LRSAM1: variants seen among roughly 807,000 people sequenced by gnomAD.
The protein encoded by LRSAM1 is leucine rich repeat and sterile alpha motif containing 1, also known as E3 ubiquitin-protein ligase LRSAM1.
In LRSAM1, 96 loss-of-function variants were observed where a neutral mutation model predicts 118.1. The ratio of observed to expected loss-of-function variants is 0.81; its 90% CI spans 0.69 to 0.96. The LOEUF is 0.96. LRSAM1 is among the 40% of genes least tolerant of loss of function. LRSAM1 has a pLI of 0.00. For synonymous variants in LRSAM1, 322 were observed against 364.2 expected (o/e 0.88, Z 1.32); for missense variants, 804 against 915.5 (o/e 0.88, Z 1.57).
Position 127,497,299 on chromosome 9 carries a change from T to A in LRSAM1, c.1877T>A (p.Val626Asp). The A allele has an allele frequency of 6.2e-7, 1 of 1,612,702 alleles. No homozygotes were observed. The highest frequency in any genetic ancestry group is 1.1e-5 in the South Asian group (1 of 91,064). Residue 626 changes from valine (V) to aspartate (D), a missense_variant, in exon 24 of 26, where the codon GTC becomes GAC. Physicochemically the swap from Val to Asp is radical, Grantham distance 152 (BLOSUM62 -3). Coordinates refer to ENST00000300417, the MANE Select transcript of LRSAM1 (RefSeq NM_001005373.4). The part of the protein sequence containing the change: ...AGLQHEILRR[V>D]QELLDAARIQ... ...CTGCAGCACGAGATCCTCCGGAGAG[T>A]CCAGGAACTGCTGGATGCAGCCAGG...
intron 9 of LRSAM1, among the ~76,000 whole-genome samples, chr9:127,462,576 A>G (rs1207542990): frequency 6.6e-6 from 1 of 152,164 alleles, no homozygotes; most frequent in African/African-American, 2.4e-5. Flanking sequence ...GAGGCAGAAA[A>G]ACATACATTA....
intron 5 of LRSAM1, among the ~76,000 whole-genome samples, chr9:127,456,257 G>A (rs1022762007): frequency 1.3e-5 from 2 of 149,434 alleles, no homozygotes; most frequent in Non-Finnish European, 3.0e-5. Flanking sequence ...TTTGAAGACG[G>A]ACGCTCTGCT....
chr9:127,487,184 A>T, intron 17 of LRSAM1, among the ~76,000 whole-genome samples: 1 of 47,506 alleles, frequency 2.1e-5, no homozygotes. Context: ...ACTCTGTCTC[A>T]AAAAAAAAAA....
intron 19 of LRSAM1, among the ~76,000 whole-genome samples, chr9:127,490,258 CT>C (rs1213000532): frequency 1.3e-5 from 2 of 151,610 alleles, no homozygotes; most frequent in African/African-American, 4.8e-5. Context: ...TTCTTTCTTT[CT>C]TTCTTTCTTT....
At chr9:127,460,242 C>T (rs2132007202) in intron 7 of LRSAM1, among the ~76,000 whole-genome samples, 1 of 152,326 alleles carries the variant, frequency 6.6e-6, no homozygotes, top group South Asian at 2.1e-4. Flanking sequence ...TCATGATCCA[C>T]CCACCTCAGC....
intron 25 of LRSAM1, among the ~76,000 whole-genome samples, chr9:127,502,564 G>C (rs893502571): frequency 6.6e-6 from 1 of 151,866 alleles, no homozygotes; most frequent in African/African-American, 2.4e-5. Context: ...GTGCACGCCT[G>C]TAGTCCCAGC....
chr9:127,477,964 G>T (rs1588118508), intron 11 of LRSAM1, among the ~76,000 whole-genome samples: 1 of 150,286 alleles, frequency 6.7e-6, no homozygotes, highest in Non-Finnish European at 1.5e-5. Context: ...CAGGAGAATT[G>T]CTTGAACCCA....
At chr9:127,479,584 G>A (rs538452546) in intron 13 of LRSAM1, 79 bp downstream of exon 13, 26 of 1,589,636 alleles carry the variant, frequency 1.6e-5, no homozygotes, top group Middle Eastern at 2.2e-4. Flanking sequence ...AAGGTCCCTC[G>A]GATGTGGAAA....
At position 127,495,974 on chromosome 9, in the gene LRSAM1, T is replaced by C. The variant is rs370745787; in HGVS notation, c.1709T>C (p.Met570Thr). 1.2e-6 allele frequency: 2 copies of C among 1,612,780 alleles called. No homozygotes were observed. The highest frequency in any genetic ancestry group is 2.7e-5 in the African/African-American group (2 of 74,950). The change falls in exon 23 of 26, where the codon ATG becomes ACG. Residue 570 changes from methionine to threonine, a missense_variant. Physicochemically the swap from Met to Thr is moderately conservative, Grantham distance 81 (BLOSUM62 -1). Transcript: ENST00000300417. ...PLSLKLQEEGMERQLVALLEE... is the reference protein window; with the variant it reads ...PLSLKLQEEGTERQLVALLEE... ...GTTTCTGTCTTGCAGGAAGAGGGGA[T>C]GGAGCGCCAGCTGGTGGCCCTCCTG...
Position 127,483,028 on chromosome 9 carries a change from T to C in LRSAM1, c.1159+8T>C. 6.2e-7 allele frequency: 1 copy of C among 1,606,472 alleles called. No homozygotes were observed. The highest frequency in any genetic ancestry group is 2.2e-5 in the East Asian group (1 of 44,572). ...GGCGACGTGACGTTGCCTGTGAGTT[T>C]TGGGATGGGGAGCTTGTGAGCACGC... is the stretch of plus-strand genomic sequence containing the variant. On this transcript the variant is annotated splice_region_variant and intron_variant, in intron 16 of 25. Transcript: ENST00000300417.
chr9:127,485,779 C>A lies in LRSAM1; in HGVS notation c.1203C>A (p.Leu401=), dbSNP rs774735924. ...QMLTESCKNR[L]IQMAYESQRQ... ...TGACTGAGAGCTGTAAGAACCGGCT[C>A]ATCCAGATGGCCTACGAATCTCAGA... The change falls in exon 17 of 26, where the codon CTC becomes CTA. Residue 401 remains leucine (L), a synonymous_variant. Transcript: ENST00000300417. 2.5e-6 allele frequency: 4 copies of A among 1,614,034 alleles called. No homozygotes were observed. The East Asian group carries it at 8.9e-5, about 36-fold the overall frequency.
intron 11 of LRSAM1, 129 bp downstream of exon 11, chr9:127,474,060 T>C: frequency 1.4e-5 from 20 of 1,440,662 alleles, no homozygotes; most frequent in Non-Finnish European, 1.9e-5. Flanking sequence ...TCCATAGAAC[T>C]AGAACTGGCC....
At chr9:127,478,728 G>A (rs1835424725) in intron 11 of LRSAM1, among the ~76,000 whole-genome samples, 1 of 152,136 alleles carries the variant, frequency 6.6e-6, no homozygotes. Context: ...GACAGCCCAG[G>A]GGTTCTCATC....
At chr9:127,492,712 C>G (rs975798040) in intron 20 of LRSAM1, 90 bp from the exon 21 acceptor site, 147 of 1,204,486 alleles carry the variant, frequency 1.2e-4, no homozygotes, top group Middle Eastern at 7.3e-4. Flanking sequence ...ACCGAGTGAG[C>G]GGGAGGCCAG....
chr9:127,465,808 G>T lies in LRSAM1; in HGVS notation c.529-1932G>T, dbSNP rs146879038. Among the ~76,000 whole-genome samples the T allele has an allele frequency of 9.7e-4, 148 of 152,330 alleles. 7 individuals are homozygous for T. The South Asian group carries it at 0.015, about 15-fold the overall frequency. ...CCAGCACTCTGGGATGAGAGGGCCT[G>T]TGGGAAGTCAGAGGTTGGCAGCGGG... On this transcript the variant is annotated intron_variant, in intron 9 of 25. Coordinates refer to ENST00000300417, the MANE Select transcript of LRSAM1 (RefSeq NM_001005373.4). This position sits in a 1 kb window ranked among gnomAD's most constrained non-coding sequence, Gnocchi z 4.1.
chr9:127,463,338 G>T (rs1834820322), intron 9 of LRSAM1, among the ~76,000 whole-genome samples: 1 of 152,108 alleles, frequency 6.6e-6, no homozygotes, highest in African/African-American at 2.4e-5. Flanking sequence ...CTGAGCTTGT[G>T]TGATATGGGG....
chr9:127,481,342 G>T (rs545818806), intron 15 of LRSAM1, 115 bp downstream of exon 15: 3 of 1,095,968 alleles, frequency 2.7e-6, no homozygotes, highest in South Asian at 1.3e-5. Flanking sequence ...AACCCCCGCC[G>T]CCCAGGTCCA....
chr9:127,480,464 C>G (rs766238950), intron 14 of LRSAM1, among the ~76,000 whole-genome samples: 13 of 152,102 alleles, frequency 8.5e-5, no homozygotes, highest in Non-Finnish European at 1.6e-4. Flanking sequence ...GTGAGGGGGC[C>G]CATTGCAGGA....
intron 10 of LRSAM1, among the ~76,000 whole-genome samples, chr9:127,472,434 G>A (rs1247635206): frequency 6.6e-6 from 1 of 151,946 alleles, no homozygotes; most frequent in Non-Finnish European, 1.5e-5. Flanking sequence ...CTGAGGTCAG[G>A]AGTTCGAGAC....
Sources: gnomAD v4.1 joint callset for allele counts (sites outside exome capture counted in the v4.1 genomes callset) on GRCh38, gnomAD v4.1.1 for gene constraint, Gnocchi (gnomAD v3.1) non-coding constraint, MANE v1.5 for transcripts, NCBI Gene and HGNC (gene_info 2026-07-23, HGNC 2026-07-21) for gene names.